CCNG1: variants seen among roughly 807,000 people sequenced by gnomAD.
The protein encoded by CCNG1 is cyclin-G1.
Under a neutral mutation model 30.0 loss-of-function variants are expected in CCNG1, and 13 were observed. The ratio of observed to expected loss-of-function variants is 0.43; its 90% confidence interval spans 0.28 to 0.69. The LOEUF is 0.69. CCNG1 is among the 30% of genes least tolerant of loss of function. CCNG1 has a pLI of 0.16. For synonymous variants in CCNG1, 110 were observed against 121.5 expected (o/e 0.91, Z 0.62); for missense variants, 285 against 331.4 (o/e 0.86, Z 1.09).
chr5:163,438,741 G>C (rs1438252491), intron 1 of CCNG1, among the ~76,000 whole-genome samples: 1 of 152,206 alleles, frequency 6.6e-6, no homozygotes, highest in Non-Finnish European at 1.5e-5. Flanking sequence ...AAAAAGCATG[G>C]TTCCGACCGG....
chr5:163,442,024 C>A, intron 4 of CCNG1, 21 bp from the exon 5 acceptor site: 1 of 1,598,264 alleles, frequency 6.3e-7, no homozygotes, highest in Non-Finnish European at 8.6e-7. Flanking sequence ...TTGGCATTTA[C>A]TTTAAATTTA....
rs755843330 is a variant in CCNG1 at position 163,439,237 on chromosome 5, G to T, written c.1-20G>T. Reference sequence around the variant, plus strand: ...AGGACTACTCTTACACTCCTTGCTGGTCTTTTTTTCTATATATAGATGATA... The same window carrying T: ...AGGACTACTCTTACACTCCTTGCTGTTCTTTTTTTCTATATATAGATGATA... On this transcript the variant is annotated intron_variant, in intron 1 of 6. Transcript: ENST00000340828. 1.0e-5 allele frequency: 16 copies of T among 1,606,058 alleles called. No individual in the cohort carries two copies. Among genetic ancestry groups the T allele is most frequent in the Non-Finnish European group, 1.3e-5 (15 of 1,177,176 alleles).
the CCNG1 span, chr5:163,457,528 TTTTAA>T: frequency 8.0e-7 from 1 of 1,250,944 alleles, no homozygotes. Flanking sequence ...GACAAAATTA[TTTTAA>T]TTTGATGAAT....
At chr5:163,442,251 T>G (rs1256595949) in intron 5 of CCNG1, 108 bp downstream of exon 5, 2 of 1,074,696 alleles carry the variant, frequency 1.9e-6, no homozygotes, top group Non-Finnish European at 2.7e-6. Context: ...GAAACTTAAG[T>G]AGCTATCCTC....
chr5:163,450,179 TG>T (rs1319832862), downstream of CCNG1: 1 of 152,206 alleles, frequency 6.6e-6, no homozygotes, highest in African/African-American at 2.4e-5. Flanking sequence ...AAGAATCACT[TG>T]AACCCAGCAG....
downstream of CCNG1, among the ~76,000 whole-genome samples, chr5:163,445,532 C>A (rs996309493): frequency 6.6e-6 from 1 of 151,966 alleles, no homozygotes; most frequent in East Asian, 1.9e-4. Context: ...TGGCTCATTG[C>A]AGCCTTGGCA....
the CCNG1 span, among the ~76,000 whole-genome samples, chr5:163,454,221 C>T: frequency 2.6e-5 from 4 of 152,172 alleles, no homozygotes; most frequent in African/African-American, 9.7e-5. Flanking sequence ...CATTTTTCAA[C>T]TCTCCCAGTT....
At chr5:163,446,602 TAAC>T (rs1269929537), downstream of CCNG1, 1 of 152,230 alleles carries the variant, frequency 6.6e-6, no homozygotes, top group South Asian at 2.1e-4. Flanking sequence ...CATAGAATAA[TAAC>T]AACACTCAAT....
rs944278274 is a variant in CCNG1 at position 163,441,213 on chromosome 5, T to C, written c.400T>C (p.Leu134=). The change falls in exon 3 of 7, where the codon TTG becomes CTG. Residue 134 remains leucine, a synonymous_variant. Coordinates refer to ENST00000340828, the MANE Select transcript of CCNG1 (RefSeq NM_004060.4). ...TCAATATAGGTTTACGGTTTCAGAC[T>C]TGATGAGAATGGAAAAGATTGTATT... ...ISQYRFTVSD[L]MRMEKIVLEK... is the part of the protein sequence containing the mutation. 2 of 1,614,048 alleles carry C rather than the reference T, an allele frequency of 1.2e-6. No homozygotes were observed. The highest frequency in any genetic ancestry group is 1.3e-5 in the African/African-American group (1 of 75,034).
At chr5:163,447,638 C>A (rs1758073015), downstream of CCNG1, 1 of 152,182 alleles carries the variant, frequency 6.6e-6, no homozygotes, top group African/African-American at 2.4e-5. Context: ...AACCCTTCTA[C>A]CTAAAACAGC....
chr5:163,441,752 C>G, intron 3 of CCNG1, 134 bp from the exon 4 acceptor site: 3 of 622,026 alleles, frequency 4.8e-6, no homozygotes, highest in Non-Finnish European at 8.5e-6. Flanking sequence ...AGGGGAATTC[C>G]TTTCAATAGT....
the CCNG1 span, among the ~76,000 whole-genome samples, chr5:163,455,914 G>A: frequency 2.6e-5 from 4 of 152,096 alleles, no homozygotes; most frequent in African/African-American, 2.4e-5. Flanking sequence ...AATATATTTC[G>A]AAGGTAGCAT....
the CCNG1 span, chr5:163,452,917 G>A: frequency 6.6e-6 from 1 of 152,200 alleles, no homozygotes; most frequent in Non-Finnish European, 1.5e-5. Flanking sequence ...TGAAAGGCAT[G>A]ATTCTGACTG....
At chr5:163,439,840 A>C (rs969974089) in intron 2 of CCNG1, among the ~76,000 whole-genome samples, 1 of 152,152 alleles carries the variant, frequency 6.6e-6, no homozygotes, top group African/African-American at 2.4e-5. Context: ...AGATATAAAC[A>C]AATTTATTAG....
At chr5:163,451,030 A>G (rs1412487691), downstream of CCNG1, 1 of 152,266 alleles carries the variant, frequency 6.6e-6, no homozygotes, top group Non-Finnish European at 1.5e-5. Flanking sequence ...GAAGGAAGCC[A>G]GTAACCAAAG....
intron 6 of CCNG1, among the ~76,000 whole-genome samples, 156 bp from the exon 7 acceptor site, chr5:163,443,518 A>C (rs1757933959): frequency 6.6e-6 from 1 of 152,186 alleles, no homozygotes; most frequent in South Asian, 2.1e-4. Flanking sequence ...TTCCTAACTC[A>C]GTGATGATTT....
chr5:163,441,949 A>G lies in CCNG1; in HGVS notation c.582A>G (p.Ile194Met), dbSNP rs1757834748. 2 of 1,608,544 alleles carry G rather than the reference A, an allele frequency of 1.2e-6. No individual in the cohort carries two copies. The highest frequency in any genetic ancestry group is 1.7e-6 in the Non-Finnish European group (2 of 1,175,326). ...AQLKACHCRI[I>M]FSKAKPSVLA... ...TGAAGGCATGTCATTGCAGGATCAT[A>G]TTTTCTAAAGCAAAGGTAAATATTT... The change falls in exon 4 of 7, where the codon ATA becomes ATG. Residue 194 changes from isoleucine to methionine, a missense_variant. Physicochemically the swap from Ile to Met is conservative, Grantham distance 10 (BLOSUM62 1). Coordinates refer to ENST00000340828, the MANE Select transcript of CCNG1 (RefSeq NM_004060.4).
At chr5:163,453,271 T>TA in the CCNG1 span, 2 of 152,182 alleles carry the variant, frequency 1.3e-5, no homozygotes, top group Admixed American at 6.5e-5. Flanking sequence ...CTAAATCACT[T>TA]ACAATCAAAA....
At chr5:163,448,874 T>C (rs978703743), downstream of CCNG1, 2 of 152,186 alleles carry the variant, frequency 1.3e-5, no homozygotes, top group African/African-American at 4.8e-5. Flanking sequence ...ACCAAACTGA[T>C]ACAGAAAGAG....
Sources: allele counts gnomAD v4.1 joint callset (sites outside exome capture counted in the v4.1 genomes callset), GRCh38; gene constraint gnomAD v4.1.1; transcripts MANE v1.5; gene names NCBI Gene and HGNC (gene_info 2026-07-23, HGNC 2026-07-21).